The following CPT1A variants were observed in gnomAD, a reference collection of about 807,000 sequenced individuals.
CPT1A encodes the protein carnitine palmitoyltransferase 1A.
In CPT1A, 64 loss-of-function variants were observed where a neutral mutation model predicts 100.8. That is an observed-to-expected ratio of 0.63 (90% confidence interval 0.52 to 0.78). CPT1A has a LOEUF of 0.78. CPT1A is among the 30% of genes least tolerant of loss of function. The pLI, the probability that CPT1A is intolerant of heterozygous loss-of-function variation, is 0.00. For missense variants in CPT1A, 802 were observed against 1,034.1 expected, an observed-to-expected ratio of 0.78 and a Z score of 3.08; for synonymous variants, 363 against 396.0, an observed-to-expected ratio of 0.92 and a Z score of 0.99.
Position 68,799,168 on chromosome 11 carries a change from G to A in CPT1A, c.693+50C>T, listed in dbSNP as rs373319534. 5.1e-4 allele frequency: 460 copies of A among 904,506 alleles called. 3 individuals carry two copies. The highest frequency in any genetic ancestry group is 6.1e-4 in the Non-Finnish European group (387 of 630,358). 56.0% of individuals were successfully genotyped at this position (904,506 alleles called of 1,614,324 possible). On this transcript the variant is annotated intron_variant, in intron 6 of 18. Coordinates refer to ENST00000265641, the MANE Select transcript of CPT1A (RefSeq NM_001876.4). ...GTTATCCCTGCCCCTCAAAATTAGCGTCTTCATACGGAAAAATTTCATCAA... is the reference window on the plus strand; with the variant it reads ...GTTATCCCTGCCCCTCAAAATTAGCATCTTCATACGGAAAAATTTCATCAA...
chr11:68,788,225 G>T (rs958942012), intron 9 of CPT1A, among the ~76,000 whole-genome samples: 2 of 152,224 alleles, frequency 1.3e-5, no homozygotes, highest in African/African-American at 4.8e-5. Flanking sequence ...CAATAAAAGT[G>T]CTTAGAAACA....
intron 1 of CPT1A, among the ~76,000 whole-genome samples, chr11:68,829,822 G>A (rs1030814469): frequency 2.6e-5 from 4 of 151,976 alleles, no homozygotes; most frequent in African/African-American, 4.9e-5. Context: ...GCAACACCCC[G>A]GCGGCCTCCA....
chr11:68,824,794 CTTTTT>C (rs60451933), intron 1 of CPT1A, among the ~76,000 whole-genome samples: 4 of 120,352 alleles, frequency 3.3e-5, no homozygotes, highest in African/African-American at 1.3e-4. Flanking sequence ...GCAATTGTAT[CTTTTT>C]TTTTTTTTTT....
chr11:68,774,795 A>G lies in CPT1A; in HGVS notation c.1575+521T>C, dbSNP rs960481853. On this transcript the variant is annotated intron_variant, in intron 13 of 18. Transcript: ENST00000265641. ...AGACTACATCTCAAAAAAAAAAAAA[A>G]AAAAGAAAAAGAAAATGGTATCTTG... 1.5e-4 allele frequency among the ~76,000 whole-genome samples: 22 copies of G among 151,246 alleles called. No homozygotes were observed. The East Asian group carries it at 3.2e-3, about 22-fold the overall frequency.
At chr11:68,838,608 C>T (rs901682325) in intron 1 of CPT1A, among the ~76,000 whole-genome samples, 6 of 95,994 alleles carry the variant, frequency 6.3e-5, no homozygotes, top group African/African-American at 3.2e-4. Flanking sequence ...CAGGGTCTGG[C>T]TGTCACCGAG....
chr11:68,757,703 T>G lies in CPT1A; in HGVS notation c.2263A>C (p.Lys755Gln). The change falls in exon 19 of 19, where the codon AAA (lysine) becomes CAA (glutamine). Residue 755 changes from lysine to glutamine, a missense_variant. By Grantham distance (53) the Lys-to-Gln change is moderately conservative. Transcript: ENST00000265641. ...GTGATGATGTCAGTCATTGCTTCTT[T>G]CAGGTGCCTTCCAAAGCGATGAGAA... is the stretch of plus-strand genomic sequence containing the variant. ...TDSHRFGRHL[K>Q]EAMTDIITLF... The G allele has an allele frequency of 6.2e-7, 1 of 1,614,148 alleles. No individual in the cohort carries two copies.
In CPT1A at chr11:68,812,571, G is replaced by C. The variant is rs138011017; in HGVS notation, c.147C>G (p.Gly49=). The change falls in exon 3 of 19, where the codon GGC becomes GGG. Residue 49 remains glycine (G), a synonymous_variant. Transcript: ENST00000265641. ...WKKKFIRFKN[G]IITGVYPASP... ...TTGCCGGGTACACGCCAGTGATGAT[G>C]CCGTTCTAAAGACAGACACCCGGGC... 173 of 1,614,056 alleles carry C rather than the reference G, an allele frequency of 1.1e-4. No homozygotes were observed. The highest frequency in any genetic ancestry group is 1.4e-4 in the Non-Finnish European group (160 of 1,180,032).
chr11:68,832,596 G>A (rs1381849659), intron 1 of CPT1A, among the ~76,000 whole-genome samples: 1 of 152,162 alleles, frequency 6.6e-6, no homozygotes, highest in Non-Finnish European at 1.5e-5. Context: ...ATAAAATTAG[G>A]TCACTGTTGT....
chr11:68,835,184 C>T (rs1309587897), intron 1 of CPT1A, among the ~76,000 whole-genome samples: 1 of 152,198 alleles, frequency 6.6e-6, no homozygotes, highest in Non-Finnish European at 1.5e-5. Flanking sequence ...CCTAGCTATT[C>T]AGAAGCCCAC....
At chr11:68,826,567 T>C (rs61259489) in intron 1 of CPT1A, among the ~76,000 whole-genome samples, 3,216 of 149,562 alleles carry the variant, frequency 0.022, 119 homozygotes, top group African/African-American at 0.074. Context: ...ACCCCATCTC[T>C]ACTAAAAATA....
intron 14 of CPT1A, among the ~76,000 whole-genome samples, chr11:68,763,716 G>A (rs1566341952): frequency 6.6e-6 from 1 of 152,314 alleles, no homozygotes; most frequent in East Asian, 1.9e-4. Context: ...CGGGAGAGGG[G>A]TGTGATGTGG....
chr11:68,815,242 A>G (rs960474368), intron 2 of CPT1A, 92 bp downstream of exon 2: 2 of 1,316,582 alleles, frequency 1.5e-6, no homozygotes, highest in African/African-American at 1.4e-5. Flanking sequence ...TGCAGTCGCC[A>G]GTCTGAAACA....
At chr11:68,834,172 C>T (rs643112) in intron 1 of CPT1A, among the ~76,000 whole-genome samples, 41,524 of 152,164 alleles carry the variant, frequency 0.27, 6,495 homozygotes, top group South Asian at 0.44. Flanking sequence ...CACGGTGGCT[C>T]ATGCCTATAA....
chr11:68,774,860 T>C (rs932540657), intron 13 of CPT1A, among the ~76,000 whole-genome samples: 1 of 151,474 alleles, frequency 6.6e-6, no homozygotes, highest in South Asian at 2.1e-4. Flanking sequence ...TGAACTAGGA[T>C]TTGGTATTTG....
At chr11:68,783,809 G>A (rs559746194) in intron 10 of CPT1A, among the ~76,000 whole-genome samples, 3 of 152,340 alleles carry the variant, frequency 2.0e-5, no homozygotes, top group Admixed American at 6.5e-5. Flanking sequence ...GCTCTGAGGT[G>A]AGAAACCCTC....
intron 1 of CPT1A, among the ~76,000 whole-genome samples, chr11:68,820,068 T>C (rs1856538018): frequency 5.3e-5 from 8 of 152,062 alleles, no homozygotes; most frequent in Admixed American, 5.2e-4. Flanking sequence ...CTCGCTGTAT[T>C]GCCCAGGCTG....
At chr11:68,797,027 G>A (rs1594347595) in intron 6 of CPT1A, 94 bp from the exon 7 acceptor site, 1 of 1,240,868 alleles carries the variant, frequency 8.1e-7, no homozygotes, top group East Asian at 2.5e-5. Context: ...AGGGCAGGCA[G>A]TGCTTTTGGC....
At position 68,812,557 on chromosome 11, in the gene CPT1A, A is replaced by C. The variant is rs1566375502; in HGVS notation, c.161T>G (p.Val54Gly). 1 of 1,614,090 alleles carries C rather than the reference A, an allele frequency of 6.2e-7. No individual in the cohort carries two copies. Among genetic ancestry groups the C allele is most frequent in the Non-Finnish European group, 8.5e-7 (1 of 1,180,012 alleles). Residue 54 changes from valine (V) to glycine (G), a missense_variant, in exon 3 of 19, where the codon GTG (valine) becomes GGG (glycine). Val to Gly is a moderately radical substitution (Grantham distance 109). This residue lies in a region of CPT1A where 161 missense variants were observed against 183.7 expected (regional missense o/e 0.88). Transcript: ENST00000265641. Reference protein sequence around the residue: ...IRFKNGIITGVYPASPSSWLI... With the variant: ...IRFKNGIITGGYPASPSSWLI... ...CCAACTGGAGGGGCTTGCCGGGTACACGCCAGTGATGATGCCGTTCTAAAG... is the reference window on the plus strand; with the variant it reads ...CCAACTGGAGGGGCTTGCCGGGTACCCGCCAGTGATGATGCCGTTCTAAAG...
At chr11:68,754,850 C>G (rs747897108), downstream of CPT1A, 5 of 780,908 alleles carry the variant, frequency 6.4e-6, no homozygotes, top group Non-Finnish European at 1.2e-5. Flanking sequence ...ACTTATAATC[C>G]CCTTAATATA....
Sources: gnomAD v4.1 joint callset for allele counts (sites outside exome capture counted in the v4.1 genomes callset) on GRCh38, gnomAD v4.1.1 for gene constraint, gnomAD v4.1.1 regional missense constraint, MANE v1.5 for transcripts, NCBI Gene and HGNC (gene_info 2026-07-23, HGNC 2026-07-21) for gene names.